The following GRIK2 variants were observed in gnomAD, a reference collection of about 807,000 sequenced individuals.
GRIK2 encodes glutamate receptor ionotropic, kainate 2.
In GRIK2, 32 loss-of-function variants were observed where a neutral mutation model predicts 100.3. The observed-to-expected ratio is 0.32, with a 90% CI of 0.24 to 0.43. GRIK2 has a LOEUF of 0.43. GRIK2 is among the 20% of genes least tolerant of loss of function. GRIK2 has a pLI of 1.00. For missense variants in GRIK2, 843 were observed against 1,114.9 expected, an observed-to-expected ratio of 0.76 and a Z score of 3.47; for synonymous variants, 417 against 389.4, an observed-to-expected ratio of 1.07 and a Z score of -0.83.
chr6:101,438,129 A>G (rs1769839940), intron 2 of GRIK2, among the ~76,000 whole-genome samples: 1 of 152,058 alleles, frequency 6.6e-6, no homozygotes, highest in African/African-American at 2.4e-5. Context: ...TAAGTGCCAC[A>G]TTTGTTATAT....
chr6:101,729,831 A>C lies in GRIK2; in HGVS notation c.951+43478A>C, dbSNP rs552020550. Among the ~76,000 whole-genome samples, 11 of 152,070 alleles carry C rather than the reference A, an allele frequency of 7.2e-5. No individual in the cohort carries two copies. In the South Asian group the frequency reaches 1.9e-3, roughly 26 times the overall value. Reference sequence around the variant, plus strand: ...ATTTGTCTAACAATATTTGTTCGGAAATAGAACATTTGGACTTTTTAAGCA... The same window carrying C: ...ATTTGTCTAACAATATTTGTTCGGACATAGAACATTTGGACTTTTTAAGCA... On this transcript the variant is annotated intron_variant, in intron 7 of 16. Transcript: ENST00000369134.
At chr6:101,678,274 C>T (rs1282998928) in intron 5 of GRIK2, among the ~76,000 whole-genome samples, 1 of 152,066 alleles carries the variant, frequency 6.6e-6, no homozygotes, top group Non-Finnish European at 1.5e-5. Flanking sequence ...AACTTGCTTT[C>T]TGACTTCTAT....
chr6:101,456,231 A>G, intron 2 of GRIK2, among the ~76,000 whole-genome samples: 1 of 152,218 alleles, frequency 6.6e-6, no homozygotes, highest in Non-Finnish European at 1.5e-5. Flanking sequence ...TGGCCTTGAA[A>G]TAATAAGAAA....
chr6:101,824,124 A>G (rs938746990), intron 10 of GRIK2, among the ~76,000 whole-genome samples: 3 of 151,958 alleles, frequency 2.0e-5, no homozygotes, highest in African/African-American at 7.3e-5. Flanking sequence ...ACTTGTGGTG[A>G]TCTTCCAGCC....
Position 101,746,671 on chromosome 6 carries a change from C to A in GRIK2, c.952-52977C>A, listed in dbSNP as rs138456835. On this transcript the variant is annotated intron_variant, in intron 7 of 16. Transcript: ENST00000369134. ...CAGTGGATAAGACAGATTTTGTTAC[C>A]CATTTTCTTCTTCAAATTGACTTGT... Among the ~76,000 whole-genome samples, 6 of 152,140 alleles carry A rather than the reference C, an allele frequency of 3.9e-5. No individual in the cohort carries two copies. In the East Asian group the frequency reaches 1.2e-3, roughly 29 times the overall value.
intron 10 of GRIK2, among the ~76,000 whole-genome samples, chr6:101,849,884 T>C (rs1445348802): frequency 4.3e-4 from 54 of 125,710 alleles, no homozygotes; most frequent in Non-Finnish European, 7.2e-4. Flanking sequence ...CACCATTAGG[T>C]AATATTTTCT....
At chr6:102,060,821 A>T (rs1358473882) in intron 16 of GRIK2, among the ~76,000 whole-genome samples, 2 of 150,646 alleles carry the variant, frequency 1.3e-5, no homozygotes, top group African/African-American at 2.4e-5. Flanking sequence ...TAATTATATA[A>T]TAATATCATA....
intron 14 of GRIK2, among the ~76,000 whole-genome samples, chr6:102,005,944 G>A (rs1385691919): frequency 2.6e-5 from 4 of 151,946 alleles, no homozygotes; most frequent in African/African-American, 9.7e-5. Context: ...GCATGCACAC[G>A]TGTCCCTAGT....
intron 7 of GRIK2, among the ~76,000 whole-genome samples, chr6:101,789,339 G>A (rs1448147076): frequency 6.6e-6 from 1 of 152,126 alleles, no homozygotes; most frequent in Non-Finnish European, 1.5e-5. Context: ...ATGGTTTCAG[G>A]TCTAACATTT....
intron 14 of GRIK2, among the ~76,000 whole-genome samples, chr6:102,016,429 G>A (rs1423270946): frequency 6.6e-6 from 1 of 151,760 alleles, no homozygotes; most frequent in African/African-American, 2.4e-5. Flanking sequence ...AAATAGGAGA[G>A]TCAGAAAAGA....
chr6:101,779,623 G>A (rs765104784), intron 7 of GRIK2, among the ~76,000 whole-genome samples: 17 of 152,214 alleles, frequency 1.1e-4, no homozygotes, highest in Admixed American at 3.9e-4. Flanking sequence ...GTTGACAGGC[G>A]TCTGAACTAG....
intron 2 of GRIK2, among the ~76,000 whole-genome samples, chr6:101,446,892 T>C (rs982254241): frequency 1.3e-5 from 2 of 150,104 alleles, no homozygotes; most frequent in Non-Finnish European, 3.0e-5. Context: ...GCTTTGACTA[T>C]GACATATTGA....
rs1289119274 is a variant in GRIK2 at position 101,852,487 on chromosome 6, C to G, written c.1318-6800C>G. ...AGGTTTCCCTGGCTTCCCCGGTTGACCAGAACAATTCGTTTCTATTCAATT... is the reference window on the plus strand; with the variant it reads ...AGGTTTCCCTGGCTTCCCCGGTTGAGCAGAACAATTCGTTTCTATTCAATT... On this transcript the variant is annotated intron_variant, in intron 10 of 16. Transcript: ENST00000369134. Among the ~76,000 whole-genome samples, 3 of 152,118 alleles carry G rather than the reference C, an allele frequency of 2.0e-5. No individual in the cohort carries two copies. In the East Asian group the frequency reaches 5.8e-4, roughly 29 times the overall value.
intron 9 of GRIK2, among the ~76,000 whole-genome samples, chr6:101,810,098 A>G (rs1216947839): frequency 6.6e-6 from 1 of 151,604 alleles, no homozygotes; most frequent in Non-Finnish European, 1.5e-5. Flanking sequence ...TATAAATTAC[A>G]ATTATGATAT....
chr6:101,939,329 G>A (rs1012716657), intron 14 of GRIK2, among the ~76,000 whole-genome samples: 3 of 151,710 alleles, frequency 2.0e-5, no homozygotes, highest in East Asian at 1.9e-4. Flanking sequence ...TATATTGTTC[G>A]TATTACCACT....
chr6:101,677,605 C>A (rs758223856), intron 5 of GRIK2, among the ~76,000 whole-genome samples: 1 of 152,090 alleles, frequency 6.6e-6, no homozygotes, highest in African/African-American at 2.4e-5. Context: ...GAACAAGGCC[C>A]TACACTTACT....
At chr6:102,046,314 T>C (rs1770884312) in intron 15 of GRIK2, among the ~76,000 whole-genome samples, 1 of 152,084 alleles carries the variant, frequency 6.6e-6, no homozygotes, top group African/African-American at 2.4e-5. Context: ...TGAACTGCAC[T>C]TTTGATATTG....
intron 7 of GRIK2, among the ~76,000 whole-genome samples, chr6:101,712,877 G>A (rs1474270373): frequency 6.6e-6 from 1 of 151,750 alleles, no homozygotes; most frequent in Non-Finnish European, 1.5e-5. Context: ...ACATAATCAT[G>A]ACTCTTCTTC....
At chr6:101,597,284 A>G (rs1778970902) in intron 2 of GRIK2, among the ~76,000 whole-genome samples, 1 of 151,714 alleles carries the variant, frequency 6.6e-6, no homozygotes, top group Non-Finnish European at 1.5e-5. Flanking sequence ...TATGCTTACT[A>G]CCTGGGTGAC....
Sources: gnomAD v4.1 joint callset for allele counts (sites outside exome capture counted in the v4.1 genomes callset) on GRCh38, gnomAD v4.1.1 for gene constraint, MANE v1.5 for transcripts, NCBI Gene and HGNC (gene_info 2026-07-23, HGNC 2026-07-21) for gene names.